NHS: variants seen among roughly 807,000 people sequenced by gnomAD.
NHS encodes the protein NHS actin remodeling regulator.
NHS carries 5 observed loss-of-function variants against 72.5 expected under a neutral mutation model. The observed-to-expected ratio is 0.07, with a 90% CI of 0.04 to 0.14. NHS has a LOEUF of 0.14. NHS is among the 10% of genes least tolerant of loss of function. The pLI is 1.00. For missense variants in NHS, 1,072 were observed against 1,355.7 expected (o/e 0.79, Z 3.29); for synonymous variants, 464 against 547.7 (o/e 0.85, Z 2.13).
chrX:17,576,662 A>C (rs2065513713), intron 1 of NHS, among the ~76,000 whole-genome samples: 1 of 112,316 alleles, frequency 8.9e-6, no homozygotes, highest in Admixed American at 9.4e-5. Flanking sequence ...CACAGGCTCT[A>C]AGCACCCAAG....
intron 1 of NHS, among the ~76,000 whole-genome samples, chrX:17,673,499 T>C (rs2066061999): frequency 9.0e-6 from 1 of 111,689 alleles, no homozygotes; most frequent in African/African-American, 3.3e-5. Context: ...AACCTTTCTG[T>C]GCCTATACAG....
intron 1 of NHS, among the ~76,000 whole-genome samples, chrX:17,670,014 C>T (rs1307495494): frequency 8.9e-6 from 1 of 112,056 alleles, no homozygotes; most frequent in Non-Finnish European, 1.9e-5. Context: ...ATCCTGCTCT[C>T]TGTGGCTTCG....
chrX:17,585,582 G>A (rs1167041177), intron 1 of NHS, among the ~76,000 whole-genome samples: 1 of 110,514 alleles, frequency 9.0e-6, no homozygotes, highest in East Asian at 2.9e-4. Context: ...TAAGAGAGGA[G>A]AATACCTGGA....
At chrX:17,723,537 T>C (rs2147139764) in intron 5 of NHS, among the ~76,000 whole-genome samples, 1 of 111,582 alleles carries the variant, frequency 9.0e-6, no homozygotes, top group East Asian at 2.8e-4. Flanking sequence ...AGCTTTACAG[T>C]TGGTATAGAA....
chrX:17,592,954 T>A (rs746915842), intron 1 of NHS, among the ~76,000 whole-genome samples: 12 of 111,629 alleles, frequency 1.1e-4, no homozygotes, highest in Non-Finnish European at 2.1e-4. Flanking sequence ...TGTTAAAAAT[T>A]CATCATTCAC....
intron 1 of NHS, among the ~76,000 whole-genome samples, chrX:17,489,337 T>G (rs1229660088): frequency 8.9e-6 from 1 of 112,198 alleles, no homozygotes; most frequent in Non-Finnish European, 1.9e-5. Flanking sequence ...AAATGATATT[T>G]CTGGTTCTAG....
At chrX:17,514,122 A>G (rs969251079) in intron 1 of NHS, among the ~76,000 whole-genome samples, 1 of 111,913 alleles carries the variant, frequency 8.9e-6, no homozygotes, top group Non-Finnish European at 1.9e-5. Flanking sequence ...ACCTGCCTTC[A>G]TGATTCAGTT....
intron 3 of NHS, among the ~76,000 whole-genome samples, chrX:17,712,317 ATATG>A (rs1363085714): frequency 3.4e-5 from 3 of 89,211 alleles, no homozygotes; most frequent in East Asian, 3.6e-4. Context: ...ACACATATAT[ATATG>A]TAAGGTCTTA....
chrX:17,433,270 T>C (rs1175627643), intron 1 of NHS, among the ~76,000 whole-genome samples: 4 of 102,322 alleles, frequency 3.9e-5, no homozygotes, highest in East Asian at 3.1e-4. Context: ...AGGATGGTCT[T>C]GATCTCCTGA....
intron 1 of NHS, among the ~76,000 whole-genome samples, chrX:17,481,313 A>G (rs2064945157): frequency 8.9e-6 from 1 of 111,999 alleles, no homozygotes; most frequent in African/African-American, 3.2e-5. Flanking sequence ...AGGGAAAGAT[A>G]AACTTTGCTG....
intron 1 of NHS, among the ~76,000 whole-genome samples, chrX:17,551,439 G>A (rs2146959942): frequency 9.0e-6 from 1 of 111,596 alleles, no homozygotes; most frequent in East Asian, 2.8e-4. Flanking sequence ...ATTGTCTCTG[G>A]AACCTGCCCC....
intron 2 of NHS, among the ~76,000 whole-genome samples, chrX:17,689,227 T>A (rs764865184): frequency 1.1e-3 from 117 of 111,342 alleles, no homozygotes; most frequent in South Asian, 2.3e-3. Flanking sequence ...TTCCTCATCT[T>A]TTTTTCCTTT....
intron 1 of NHS, among the ~76,000 whole-genome samples, chrX:17,549,254 C>G (rs777854477): frequency 9.1e-6 from 1 of 109,984 alleles, no homozygotes; most frequent in East Asian, 2.9e-4. Context: ...CTGTGAATAA[C>G]AGGCTTTTCT....
chrX:17,672,339 C>T (rs1601828258), intron 1 of NHS, among the ~76,000 whole-genome samples: 3 of 112,068 alleles, frequency 2.7e-5, no homozygotes, highest in African/African-American at 9.7e-5. Flanking sequence ...TCATCTTCAT[C>T]AAGAACATGA....
In NHS at chrX:17,541,767, A is replaced by AACACACACACACACACACACAC. The variant is rs57700886; in HGVS notation, c.566-145948_566-145927dup. Among the ~76,000 whole-genome samples the AACACACACACACACACACACAC allele has an allele frequency of 6.0e-3, 380 of 62,896 alleles. 16 individuals carry two copies. Among genetic ancestry groups the AACACACACACACACACACACAC allele is most frequent in the East Asian group, 0.011 (19 of 1,778 alleles). The allele number at this position is 62,896 out of a possible 115,157, so 54.6% of individuals were successfully genotyped here. ...AGAGCCCAAGGTATCTGAGTTTGCGAACACACACACACACACACACACACA... is the reference window on the plus strand; with the variant it reads ...AGAGCCCAAGGTATCTGAGTTTGCGAACACACACACACACACACACACACACACACACACACACACACACACA... On this transcript the variant is annotated intron_variant, in intron 1 of 8. Transcript: ENST00000676302.
chrX:17,551,763 C>T lies in NHS; in HGVS notation c.566-135979C>T, dbSNP rs73443655. Among the ~76,000 whole-genome samples, 766 of 111,247 alleles carry T rather than the reference C, an allele frequency of 6.9e-3. 8 individuals carry two copies. Among genetic ancestry groups the T allele is most frequent in the African/African-American group, 0.023 (716 of 30,578 alleles). ...TACCCCTCTCCTCCCTGTGCCTGTT[C>T]GTTGCCCTGCCTGCACCCTTTCACA... On this transcript the variant is annotated intron_variant, in intron 1 of 8. Transcript: ENST00000676302.
chrX:17,633,812 G>GC lies in NHS; in HGVS notation c.566-53929dup, dbSNP rs762161441. On this transcript the variant is annotated intron_variant, in intron 1 of 8. Coordinates refer to ENST00000676302, the MANE Select transcript of NHS (RefSeq NM_001291867.2). ...TCCCAGAAAAAATAAAACAATGGCAGCATTTCCTTTCATTCGCGACAGTCT... is the reference window on the plus strand; with the variant it reads ...TCCCAGAAAAAATAAAACAATGGCAGCCATTTCCTTTCATTCGCGACAGTCT... Among the ~76,000 whole-genome samples, 12 of 112,038 alleles carry GC rather than the reference G, an allele frequency of 1.1e-4. No homozygotes were observed. In the Middle Eastern group the frequency reaches 0.018, roughly 171 times the overall value.
chrX:17,604,228 TCA>T (rs59367930), intron 1 of NHS, among the ~76,000 whole-genome samples: 20,057 of 91,876 alleles, frequency 0.22, 1,749 homozygotes, highest in South Asian at 0.38. Context: ...TATTAATAGA[TCA>T]CACACACACA....
At chrX:17,539,397 T>G (rs944328284) in intron 1 of NHS, among the ~76,000 whole-genome samples, 1 of 110,047 alleles carries the variant, frequency 9.1e-6, no homozygotes, top group African/African-American at 3.3e-5. Flanking sequence ...ACCATGTATC[T>G]GCTTCTCTGC....
Sources: allele counts gnomAD v4.1 joint callset (sites outside exome capture counted in the v4.1 genomes callset), GRCh38; gene constraint gnomAD v4.1.1; transcripts MANE v1.5; gene names NCBI Gene and HGNC (gene_info 2026-07-23, HGNC 2026-07-21).